Variants in MBNL3 observed in about 807,000 individuals in gnomAD.
MBNL3 encodes the protein muscleblind-like protein 3.
A neutral mutation model predicts 24.5 loss-of-function variants in MBNL3; 6 were observed. The observed-to-expected ratio is 0.25, with a 90% confidence interval of 0.13 to 0.48. MBNL3 has a LOEUF of 0.48. MBNL3 is among the 20% of genes least tolerant of loss of function. The pLI is 0.99. For missense variants in MBNL3, 230 were observed against 293.5 expected, an observed-to-expected ratio of 0.78 and a Z score of 1.58; for synonymous variants, 100 against 101.7, an observed-to-expected ratio of 0.98 and a Z score of 0.10.
At position 132,373,019 on chromosome X, in the gene MBNL3, A is replaced by G. The variant is rs1933763963; in HGVS notation, c.*6647T>C. On this transcript the variant is annotated 3_prime_UTR_variant, in exon 9 of 9. Transcript: ENST00000370853. ...AACTAAATATTTTCTTGAGGTTAGTAATAGAGGGCTTTTTTTGGGGGGGGG... is the reference window on the plus strand; with the variant it reads ...AACTAAATATTTTCTTGAGGTTAGTGATAGAGGGCTTTTTTTGGGGGGGGG... 1 of 110,660 alleles carries G rather than the reference A, an allele frequency of 9.0e-6. No homozygotes were observed. The highest frequency in any genetic ancestry group is 1.9e-5 in the Non-Finnish European group (1 of 52,772). 9.1% of individuals were successfully genotyped at this position (110,660 alleles called of 1,213,427 possible). A position where few individuals can be genotyped will look rare whatever the true frequency, so the allele number is the denominator to read the frequency against.
intron 1 of MBNL3, among the ~76,000 whole-genome samples, chrX:132,476,208 T>G (rs1282529607): frequency 9.2e-6 from 1 of 109,210 alleles, no homozygotes; most frequent in Non-Finnish European, 1.9e-5. Flanking sequence ...TGATCAAGTG[T>G]TTTTTTTTCA....
At chrX:132,413,166 T>G (rs755814704) in intron 2 of MBNL3, among the ~76,000 whole-genome samples, 38 of 111,542 alleles carry the variant, frequency 3.4e-4, no homozygotes, top group African/African-American at 1.2e-3. Flanking sequence ...TTTACCTCCT[T>G]TTTCTGGACA....
At chrX:132,394,195 C>T (rs1937606760) in intron 3 of MBNL3, among the ~76,000 whole-genome samples, 1 of 111,517 alleles carries the variant, frequency 9.0e-6, no homozygotes, top group South Asian at 3.8e-4. Context: ...GAGAAGGACT[C>T]TAAAGTCTGG....
intron 1 of MBNL3, among the ~76,000 whole-genome samples, chrX:132,478,224 G>A (rs2583497): frequency 9.1e-6 from 1 of 110,377 alleles, no homozygotes; most frequent in Non-Finnish European, 1.9e-5. Context: ...TTAAACATCC[G>A]TTTTTGGCTT....
At chrX:132,467,549 G>A (rs766791512) in intron 1 of MBNL3, among the ~76,000 whole-genome samples, 64 of 112,082 alleles carry the variant, frequency 5.7e-4, no homozygotes, top group Non-Finnish European at 9.8e-4. Flanking sequence ...GGATACAACA[G>A]TCATATGTTT....
At chrX:132,425,727 T>G (rs1018877686) in intron 2 of MBNL3, among the ~76,000 whole-genome samples, 9 of 111,500 alleles carry the variant, frequency 8.1e-5, no homozygotes, top group Admixed American at 2.9e-4. Flanking sequence ...AAAATTCAAC[T>G]TCAAACATTT....
intron 2 of MBNL3, among the ~76,000 whole-genome samples, chrX:132,417,211 C>T (rs1440778104): frequency 9.0e-6 from 1 of 111,288 alleles, no homozygotes; most frequent in East Asian, 2.8e-4. Context: ...CTTCTGCTTC[C>T]AGTGAGCAGT....
chrX:132,425,999 G>T (rs1944272623), intron 2 of MBNL3, among the ~76,000 whole-genome samples: 1 of 111,641 alleles, frequency 9.0e-6, no homozygotes, highest in Non-Finnish European at 1.9e-5. Context: ...AGGAAAGTTG[G>T]CACATGGGTG....
At chrX:132,466,736 C>G (rs1946903445) in intron 1 of MBNL3, among the ~76,000 whole-genome samples, 1 of 111,478 alleles carries the variant, frequency 9.0e-6, no homozygotes, top group Admixed American at 9.6e-5. Context: ...GTTTAGGAAG[C>G]AATCTGGGAA....
At chrX:132,411,280 T>G (rs1411878730) in intron 2 of MBNL3, 1 of 751,985 alleles carries the variant, frequency 1.3e-6, no homozygotes, top group Non-Finnish European at 1.6e-6. Flanking sequence ...GATAACAAGT[T>G]TGAATAGGCG....
At chrX:132,457,830 T>C (rs1946445721) in intron 1 of MBNL3, among the ~76,000 whole-genome samples, 1 of 111,649 alleles carries the variant, frequency 9.0e-6, no homozygotes, top group African/African-American at 3.3e-5. Context: ...AAACAATTGT[T>C]CCACTGAAGA....
intron 1 of MBNL3, among the ~76,000 whole-genome samples, chrX:132,478,148 A>G (rs980765121): frequency 8.9e-6 from 1 of 111,772 alleles, no homozygotes; most frequent in African/African-American, 3.3e-5. Flanking sequence ...TTCTTTTGCC[A>G]TTCGAAGCAC....
chrX:132,489,778 C>T (rs1390182517), upstream of MBNL3: 1 of 109,417 alleles, frequency 9.1e-6, no homozygotes, highest in Non-Finnish European at 1.9e-5. Context: ...CCCCGCCCCG[C>T]CCGGCCAGGT....
At chrX:132,396,556 C>CTATATATATTCA (rs2148170144) in intron 3 of MBNL3, among the ~76,000 whole-genome samples, 2 of 16,580 alleles carry the variant, frequency 1.2e-4, no homozygotes, top group South Asian at 6.2e-3. Context: ...CTATATATTC[C>CTATATATATTCA]TATATATATT....
intron 1 of MBNL3, among the ~76,000 whole-genome samples, chrX:132,475,259 A>G (rs1202662245): frequency 1.8e-5 from 2 of 112,046 alleles, no homozygotes; most frequent in Non-Finnish European, 3.8e-5. Flanking sequence ...ATCCTACTGT[A>G]GCACCATCCA....
At chrX:132,446,372 C>G (rs2148459322) in intron 1 of MBNL3, among the ~76,000 whole-genome samples, 1 of 112,180 alleles carries the variant, frequency 8.9e-6, no homozygotes, top group Admixed American at 9.4e-5. Flanking sequence ...AATCGTCACA[C>G]TGTCTCCCAC....
Position 132,386,814 on chromosome X carries a change from G to T in MBNL3, c.772-3C>A. The stretch of plus-strand genomic sequence containing the variant: ...TGCAGTGTACCAGGCTGCAGGGCCT[G>T]TGGGGGGAGAGATGGTACTAGTACT... On this transcript the variant is annotated splice_polypyrimidine_tract_variant and splice_region_variant and intron_variant, in intron 5 of 8. Transcript: ENST00000370853. The T allele has an allele frequency of 8.3e-7, 1 of 1,209,680 alleles. No homozygotes were observed.
intron 2 of MBNL3, chrX:132,437,964 C>CA (rs2148436619): frequency 1.2e-5 from 7 of 566,566 alleles, no homozygotes; most frequent in Non-Finnish European, 1.5e-5. Context: ...AAACAAAAAA[C>CA]AAAAAACTAG....
At chrX:132,477,778 T>C (rs1569462429) in intron 1 of MBNL3, among the ~76,000 whole-genome samples, 1 of 112,021 alleles carries the variant, frequency 8.9e-6, no homozygotes, top group East Asian at 2.8e-4. Flanking sequence ...CAATACTCAT[T>C]AGCACAAAAA....
Sources: allele counts gnomAD v4.1 joint callset (sites outside exome capture counted in the v4.1 genomes callset), GRCh38; gene constraint gnomAD v4.1.1; transcripts MANE v1.5; gene names NCBI Gene and HGNC (gene_info 2026-07-23, HGNC 2026-07-21).